Variants in FARP1 observed in about 807,000 individuals in gnomAD.
The protein encoded by FARP1 is FERM, ARHGEF and pleckstrin domain-containing protein 1.
In FARP1, 52 loss-of-function variants were observed where a neutral mutation model predicts 128.8. The observed-to-expected ratio is 0.40, with a 90% CI of 0.32 to 0.51. FARP1 has a LOEUF of 0.51. Among genes scored for constraint, FARP1 ranks in the 20% least tolerant of loss-of-function variants. The pLI, the probability that FARP1 is intolerant of heterozygous loss-of-function variation, is 0.45. For missense variants in FARP1, 1,333 were observed against 1,367.9 expected (o/e 0.97, Z 0.40); for synonymous variants, 580 against 551.8 (o/e 1.05, Z -0.72).
At position 98,349,548 on chromosome 13, in the gene FARP1, A is replaced by G. The variant is rs2139899877; in HGVS notation, c.276+5682A>G. Among the ~76,000 whole-genome samples, 2 of 151,884 alleles carry G rather than the reference A, an allele frequency of 1.3e-5. 1 individual carries two copies. The highest frequency in any genetic ancestry group is 6.8e-3 in the Middle Eastern group (2 of 294). ...TTAGCCCGTTTGGTGGCACGCGTCT[A>G]TATTCGCAGTTACTTGAGAGGCTGT... On this transcript the variant is annotated intron_variant, in intron 3 of 26. Transcript: ENST00000319562.
chr13:98,273,382 T>C (rs1024509687), intron 2 of FARP1, among the ~76,000 whole-genome samples: 1 of 152,198 alleles, frequency 6.6e-6, no homozygotes, highest in Non-Finnish European at 1.5e-5. Context: ...TTTGCGAATC[T>C]TATGATCTCT....
intron 1 of FARP1, among the ~76,000 whole-genome samples, chr13:98,211,217 G>C (rs1032003037): frequency 6.6e-6 from 1 of 152,200 alleles, no homozygotes; most frequent in Non-Finnish European, 1.5e-5. Flanking sequence ...CCAGTGGTCC[G>C]TGGCCTTTCA....
In FARP1 at chr13:98,373,533, G is replaced by GACAGACAGACACACACACAC. The variant is rs1349451618; in HGVS notation, c.399-4285_399-4284insGACAGACACACACACACACA. ...TTGACTTTCCAGAGACAGACAGACA[G>GACAGACAGACACACACACAC]ACACACACACACACACACACACACA... On this transcript the variant is annotated intron_variant, in intron 5 of 26. Transcript: ENST00000319562. Among the ~76,000 whole-genome samples, 278 of 131,042 alleles carry GACAGACAGACACACACACAC rather than the reference G, an allele frequency of 2.1e-3. 2 individuals are homozygous for GACAGACAGACACACACACAC. The highest frequency in any genetic ancestry group is 7.6e-3 in the African/African-American group (259 of 33,902). 86.0% of individuals were successfully genotyped at this position (131,042 alleles called of 152,430 possible). A position where few individuals can be genotyped will look rare whatever the true frequency, so the allele number is the denominator to read the frequency against.
In FARP1 at chr13:98,353,228, T is replaced by C. The variant is rs569042510; in HGVS notation, c.276+9362T>C. Among the ~76,000 whole-genome samples, 44 of 152,244 alleles carry C rather than the reference T, an allele frequency of 2.9e-4. No homozygotes were observed. In the South Asian group the frequency reaches 5.6e-3, roughly 19 times the overall value. On this transcript the variant is annotated intron_variant, in intron 3 of 26. Transcript: ENST00000319562. ...ACATTACAGACTTATGCAGTTACGATGAAACTCTGCATAGTGGTTACCTGT... is the reference window on the plus strand; with the variant it reads ...ACATTACAGACTTATGCAGTTACGACGAAACTCTGCATAGTGGTTACCTGT...
At chr13:98,211,328 C>T (rs1365858154) in intron 1 of FARP1, among the ~76,000 whole-genome samples, 2 of 152,316 alleles carry the variant, frequency 1.3e-5, no homozygotes, top group South Asian at 2.1e-4. Flanking sequence ...CTCATAGGAG[C>T]ACAGACCCTG....
chr13:98,427,566 T>C (rs548165205), intron 17 of FARP1, among the ~76,000 whole-genome samples: 1 of 152,346 alleles, frequency 6.6e-6, no homozygotes, highest in South Asian at 2.1e-4. Flanking sequence ...CAGTCCCCAG[T>C]GTGGTGCTGT....
intron 2 of FARP1, among the ~76,000 whole-genome samples, chr13:98,219,722 G>T (rs1250901495): frequency 6.6e-6 from 1 of 152,216 alleles, no homozygotes; most frequent in African/African-American, 2.4e-5. Context: ...CTGGAGTGCA[G>T]TGGAGCAATC....
chr13:98,346,874 G>C (rs891366248), intron 3 of FARP1, among the ~76,000 whole-genome samples: 1 of 152,216 alleles, frequency 6.6e-6, no homozygotes, highest in Non-Finnish European at 1.5e-5. Context: ...TGCTGGTTCC[G>C]TGGATACAAT....
rs181320649 is a variant in FARP1, at chr13:98,295,264, A to G, written c.172-48498A>G. On this transcript the variant is annotated intron_variant, in intron 2 of 26. Coordinates refer to ENST00000319562, the MANE Select transcript of FARP1 (RefSeq NM_005766.4). ...AAGTGATATTAAATTTTAGGGCAGG[A>G]ATCGTAAATTGATTTTTATTCCACT... Among the ~76,000 whole-genome samples the G allele has an allele frequency of 1.9e-4, 29 of 152,192 alleles. No homozygotes were observed. The East Asian group carries it at 5.2e-3, about 27-fold the overall frequency.
At chr13:98,292,992 C>T (rs1885516329) in intron 2 of FARP1, among the ~76,000 whole-genome samples, 1 of 151,250 alleles carries the variant, frequency 6.6e-6, no homozygotes, top group African/African-American at 2.4e-5. Flanking sequence ...GTCATTTCAA[C>T]TCATGGGGTA....
At chr13:98,150,531 A>G (rs1413976367) in intron 1 of FARP1, among the ~76,000 whole-genome samples, 1 of 152,166 alleles carries the variant, frequency 6.6e-6, no homozygotes, top group Non-Finnish European at 1.5e-5. Flanking sequence ...TTCATTTTTT[A>G]AGTATCTTTT....
intron 2 of FARP1, among the ~76,000 whole-genome samples, chr13:98,311,637 T>C (rs1196029187): frequency 6.6e-6 from 1 of 151,886 alleles, no homozygotes; most frequent in African/African-American, 2.4e-5. Context: ...ATCCCAGCCG[T>C]ATTCTGGTTG....
rs547548297 is a variant in FARP1, at chr13:98,193,092, CTG to C, written c.-23-20126_-23-20125del. Among the ~76,000 whole-genome samples the C allele has an allele frequency of 8.0e-5, 12 of 149,796 alleles. No homozygotes were observed. In the South Asian group the frequency reaches 2.1e-3, roughly 26 times the overall value. On this transcript the variant is annotated intron_variant, in intron 1 of 26. Transcript: ENST00000319562. ...TTTTTTTTCGAGATGGAGTCTCACT[CTG>C]TTGCCCAGGCTGGAGTGCAGTGGTG...
intron 2 of FARP1, chr13:98,244,487 C>G (rs1882950803): frequency 1.9e-6 from 3 of 1,613,810 alleles, no homozygotes; most frequent in Non-Finnish European, 1.7e-6. Context: ...TCCTCTCTTC[C>G]CAGATGGTGT....
chr13:98,242,869 A>C (rs903110748), intron 2 of FARP1, among the ~76,000 whole-genome samples: 1 of 152,234 alleles, frequency 6.6e-6, no homozygotes, highest in Non-Finnish European at 1.5e-5. Context: ...GTCTTTCACT[A>C]ATAAGACAAG....
chr13:98,283,714 A>G (rs776414037), intron 2 of FARP1, among the ~76,000 whole-genome samples: 3 of 152,174 alleles, frequency 2.0e-5, no homozygotes, highest in Non-Finnish European at 4.4e-5. Context: ...AATTTTCCTC[A>G]GCCTATAATG....
At chr13:98,262,103 C>T (rs1707641628) in intron 2 of FARP1, among the ~76,000 whole-genome samples, 1 of 150,902 alleles carries the variant, frequency 6.6e-6, no homozygotes, top group South Asian at 2.1e-4. Context: ...GCAACCTCCA[C>T]CTCCCGGGGT....
intron 2 of FARP1, among the ~76,000 whole-genome samples, chr13:98,265,481 G>A (rs1221525788): frequency 2.0e-5 from 3 of 150,574 alleles, no homozygotes; most frequent in East Asian, 1.9e-4. Context: ...CACTACGCCC[G>A]GCTAATTTTT....
chr13:98,148,840 G>C (rs766116697), intron 1 of FARP1, among the ~76,000 whole-genome samples: 1 of 151,126 alleles, frequency 6.6e-6, no homozygotes, highest in Non-Finnish European at 1.5e-5. Context: ...AAGATGCTTT[G>C]GTGTTCTGCA....
Sources: gnomAD v4.1 joint callset for allele counts (sites outside exome capture counted in the v4.1 genomes callset) on GRCh38, gnomAD v4.1.1 for gene constraint, MANE v1.5 for transcripts, NCBI Gene and HGNC (gene_info 2026-07-23, HGNC 2026-07-21) for gene names.